Variants in SCARA3 observed in about 807,000 individuals in gnomAD.
SCARA3 encodes scavenger receptor class A member 3.
Under a neutral mutation model 47.0 loss-of-function variants are expected in SCARA3, and 39 were observed. That is an observed-to-expected ratio of 0.83 (90% CI 0.64 to 1.08). The LOEUF (loss-of-function observed/expected upper bound fraction) is 1.08. Among genes scored for constraint, SCARA3 ranks in the 50% least tolerant of loss-of-function variants. The pLI is 0.00. For missense variants in SCARA3, 724 were observed against 792.3 expected (o/e 0.91, Z 1.04); for synonymous variants, 356 against 334.1 (o/e 1.07, Z -0.71).
chr8:27,695,813 G>A, the SCARA3 span, among the ~76,000 whole-genome samples: 4 of 151,870 alleles, frequency 2.6e-5, no homozygotes, highest in East Asian at 7.7e-4. Context: ...GACAAATCAA[G>A]AGAATATATC....
chr8:27,725,446 GTGTT>G, the SCARA3 span, among the ~76,000 whole-genome samples: 2 of 147,640 alleles, frequency 1.4e-5, no homozygotes, highest in African/African-American at 5.0e-5. Context: ...ACTCTTTTGT[GTGTT>G]TGTTACATTA....
At chr8:27,676,014 A>G (rs1287052706), downstream of SCARA3, among the ~76,000 whole-genome samples, 1 of 152,156 alleles carries the variant, frequency 6.6e-6, no homozygotes, top group Non-Finnish European at 1.5e-5. Context: ...TTTTTGATTT[A>G]TGTATATAAT....
At chr8:27,725,529 C>A in the SCARA3 span, among the ~76,000 whole-genome samples, 10 of 141,562 alleles carry the variant, frequency 7.1e-5, no homozygotes, top group South Asian at 2.2e-4. Flanking sequence ...CTGCCCCCTC[C>A]AAAAAAAAAA....
At chr8:27,638,391 A>T (rs1294167533) in intron 1 of SCARA3, among the ~76,000 whole-genome samples, 1 of 151,238 alleles carries the variant, frequency 6.6e-6, no homozygotes, top group Non-Finnish European at 1.5e-5. Flanking sequence ...GTCATAGGCC[A>T]GCTTTATCAC....
chr8:27,652,652 A>G (rs1172191690), intron 3 of SCARA3, among the ~76,000 whole-genome samples: 1 of 152,202 alleles, frequency 6.6e-6, no homozygotes, highest in Admixed American at 6.5e-5. Context: ...AATAGACACA[A>G]GTCGTCTTCC....
At chr8:27,689,199 C>T in the SCARA3 span, among the ~76,000 whole-genome samples, 4 of 152,276 alleles carry the variant, frequency 2.6e-5, no homozygotes, top group African/African-American at 7.2e-5. Context: ...AAACCAGTTC[C>T]GGAAGTGTCC....
At chr8:27,724,189 C>G in the SCARA3 span, among the ~76,000 whole-genome samples, 1 of 152,228 alleles carries the variant, frequency 6.6e-6, no homozygotes, top group Non-Finnish European at 1.5e-5. Flanking sequence ...GGAGTCAATA[C>G]AAGTTCTCAA....
chr8:27,677,203 A>G (rs962976506), downstream of SCARA3, among the ~76,000 whole-genome samples: 1 of 152,144 alleles, frequency 6.6e-6, no homozygotes, highest in African/African-American at 2.4e-5. Context: ...TTCCAGATTC[A>G]CCTTAGCTTC....
the SCARA3 span, among the ~76,000 whole-genome samples, chr8:27,699,504 C>T: frequency 1.3e-5 from 2 of 152,024 alleles, no homozygotes; most frequent in African/African-American, 4.8e-5. Flanking sequence ...TGTGCCAGGC[C>T]TCGGCAGCCT....
chr8:27,687,791 T>A, the SCARA3 span, among the ~76,000 whole-genome samples: 1 of 151,036 alleles, frequency 6.6e-6, no homozygotes, highest in Non-Finnish European at 1.5e-5. Flanking sequence ...CCAAGGCAGG[T>A]GGATCTCCTG....
chr8:27,700,710 A>G, the SCARA3 span, among the ~76,000 whole-genome samples: 1 of 152,220 alleles, frequency 6.6e-6, no homozygotes. Context: ...CAGCTTCATT[A>G]ATCATCAGGG....
At chr8:27,705,599 G>C in the SCARA3 span, among the ~76,000 whole-genome samples, 1 of 152,166 alleles carries the variant, frequency 6.6e-6, no homozygotes. Flanking sequence ...CCTGACATGG[G>C]GCTCCAGTCA....
chr8:27,656,953 G>A, intron 4 of SCARA3, 73 bp downstream of exon 4: 2 of 951,802 alleles, frequency 2.1e-6, no homozygotes. Flanking sequence ...CCACGCTACA[G>A]TGCCCCAGCA....
chr8:27,728,910 A>G, the SCARA3 span, among the ~76,000 whole-genome samples: 61,326 of 151,974 alleles, frequency 0.4, 12,761 homozygotes, highest in Middle Eastern at 0.46. Context: ...GTGGTTAGTA[A>G]AGGTGGTTAG....
the SCARA3 span, among the ~76,000 whole-genome samples, chr8:27,732,534 T>C: frequency 6.6e-6 from 1 of 152,218 alleles, no homozygotes; most frequent in African/African-American, 2.4e-5. Flanking sequence ...GTATGTATAA[T>C]CTAATGATAA....
downstream of SCARA3, chr8:27,676,682 C>T: frequency 5.0e-6 from 4 of 793,834 alleles, no homozygotes; most frequent in Non-Finnish European, 6.6e-6. Context: ...TGGTAAGCAT[C>T]ACCTTAAGCA....
chr8:27,667,918 G>A (rs757245996), intron 5 of SCARA3, among the ~76,000 whole-genome samples: 5 of 152,160 alleles, frequency 3.3e-5, no homozygotes, highest in Non-Finnish European at 7.4e-5. Flanking sequence ...ATCTTCTCCC[G>A]GCCGCTGCCT....
chr8:27,646,926 C>T (rs552742140), intron 1 of SCARA3, among the ~76,000 whole-genome samples: 1 of 145,780 alleles, frequency 6.9e-6, no homozygotes, highest in East Asian at 2.0e-4. Flanking sequence ...CCTTGCTGTT[C>T]CCGCTTTACC....
At chr8:27,676,619 G>C, downstream of SCARA3, 1 of 1,375,154 alleles carries the variant, frequency 7.3e-7, no homozygotes, top group Admixed American at 1.7e-5. Context: ...CAGCCATAAA[G>C]CCCAGGATGA....
Sources: gnomAD v4.1 joint callset for allele counts (sites outside exome capture counted in the v4.1 genomes callset) on GRCh38, gnomAD v4.1.1 for gene constraint, MANE v1.5 for transcripts, NCBI Gene and HGNC (gene_info 2026-07-23, HGNC 2026-07-21) for gene names.